The following MRPL48 variants were observed in gnomAD, a reference collection of about 807,000 sequenced individuals.
MRPL48 encodes mitochondrial ribosomal protein L48, also known as large ribosomal subunit protein mL48.
In MRPL48, 16 loss-of-function variants were observed where a neutral mutation model predicts 32.9. The ratio of observed to expected loss-of-function variants is 0.49; its 90% confidence interval spans 0.33 to 0.74. The LOEUF (loss-of-function observed/expected upper bound fraction) is 0.74, where lower values mean the gene tolerates loss of function less well. Among genes scored for constraint, MRPL48 ranks in the 30% least tolerant of loss-of-function variants. The pLI is 0.02. For synonymous variants in MRPL48, 94 were observed against 89.2 expected, an observed-to-expected ratio of 1.05 and a Z score of -0.31; for missense variants, 206 against 245.3, an observed-to-expected ratio of 0.84 and a Z score of 1.07.
chr11:73,808,283 G>GT lies in MRPL48; in HGVS notation c.75-29dup, dbSNP rs1435661322. The GT allele has an allele frequency of 1.9e-6, 3 of 1,581,842 alleles. No individual in the cohort carries two copies. The South Asian group carries it at 3.4e-5, about 18-fold the overall frequency. ...GCAAATAAAATATGGGTTTCTAATT[G>GT]TATTGAACATACTTTCTCCCTCCTT... On this transcript the variant is annotated intron_variant, in intron 2 of 7. Transcript: ENST00000310614.
rs1338965287 is a variant in MRPL48 at position 73,813,386 on chromosome 11, C to CTGG, written c.112+5038_112+5040dup. ...ACAGGGTTTCACCATGTTGGTCAGG[C>CTGG]TGGTCTCTAACTCCTGACCTCAGGT... On this transcript the variant is annotated intron_variant, in intron 3 of 7. Transcript: ENST00000310614. 2.0e-5 allele frequency among the ~76,000 whole-genome samples: 3 copies of CTGG among 152,154 alleles called. No homozygotes were observed. The East Asian group carries it at 5.9e-4, about 30-fold the overall frequency.
chr11:73,835,288 C>T (rs570126720), intron 4 of MRPL48, among the ~76,000 whole-genome samples: 2 of 151,694 alleles, frequency 1.3e-5, no homozygotes, highest in South Asian at 4.2e-4. Flanking sequence ...ATTACAGGCA[C>T]GTGCCACCAT....
intron 3 of MRPL48, among the ~76,000 whole-genome samples, chr11:73,814,151 G>C (rs1026916425): frequency 3.4e-4 from 52 of 151,896 alleles, no homozygotes; most frequent in Admixed American, 2.0e-4. Flanking sequence ...TCAGCACTTT[G>C]GGAGGTTGAG....
At chr11:73,835,431 C>T (rs1948082209) in intron 4 of MRPL48, among the ~76,000 whole-genome samples, 1 of 152,140 alleles carries the variant, frequency 6.6e-6, no homozygotes, top group Admixed American at 6.5e-5. Context: ...TGAGCCACCG[C>T]GCCCACCCTG....
At chr11:73,817,003 A>T (rs1947690165) in intron 3 of MRPL48, among the ~76,000 whole-genome samples, 1 of 145,422 alleles carries the variant, frequency 6.9e-6, no homozygotes, top group Admixed American at 6.9e-5. Context: ...TTGTTTTTGT[A>T]TTTTTTTTAA....
intron 1 of MRPL48, among the ~76,000 whole-genome samples, chr11:73,799,664 T>G (rs1192914189): frequency 6.6e-6 from 1 of 152,092 alleles, no homozygotes; most frequent in African/African-American, 2.4e-5. Context: ...GGATGAGAAA[T>G]TACTTAATGG....
chr11:73,792,713 G>A (rs1473688789), intron 1 of MRPL48, among the ~76,000 whole-genome samples: 1 of 152,162 alleles, frequency 6.6e-6, no homozygotes, highest in African/African-American at 2.4e-5. Flanking sequence ...GGCCCTGGAG[G>A]AGCTTTTCTA....
chr11:73,800,599 C>T (rs1418581945), intron 1 of MRPL48, among the ~76,000 whole-genome samples: 2 of 152,078 alleles, frequency 1.3e-5, no homozygotes, highest in Admixed American at 6.6e-5. Context: ...CACCATCCTC[C>T]TCTTCCACTT....
At chr11:73,828,947 A>G (rs2135019046) in intron 4 of MRPL48, among the ~76,000 whole-genome samples, 1 of 152,304 alleles carries the variant, frequency 6.6e-6, no homozygotes, top group Middle Eastern at 3.4e-3. Context: ...ATAGTGGGAA[A>G]TAAAATTAGT....
intron 1 of MRPL48, among the ~76,000 whole-genome samples, chr11:73,792,603 A>G (rs1013250312): frequency 6.6e-6 from 1 of 152,242 alleles, no homozygotes; most frequent in African/African-American, 2.4e-5. Context: ...AAAGACATGA[A>G]CTAGTAGTAC....
Position 73,853,680 on chromosome 11 carries a change from C to CTTT in MRPL48, c.372-6201_372-6199dup, listed in dbSNP as rs58486952. Among the ~76,000 whole-genome samples the CTTT allele has an allele frequency of 2.4e-4, 19 of 79,122 alleles. 1 individual carries two copies. Among genetic ancestry groups the CTTT allele is most frequent in the Admixed American group, 6.1e-4 (4 of 6,562 alleles). The allele number at this position is 79,122 out of a possible 152,430, so 51.9% of individuals were successfully genotyped here. On this transcript the variant is annotated intron_variant, in intron 5 of 7. Transcript: ENST00000310614. ...AGCTGGCGGGAATTAGAGATAGCTT[C>CTTT]TTTTTTTTTTTTTTTTTTTTTTTTT... is the stretch of plus-strand genomic sequence containing the variant.
chr11:73,860,107 T>C, intron 6 of MRPL48, 98 bp downstream of exon 6: 4 of 991,560 alleles, frequency 4.0e-6, no homozygotes, highest in Non-Finnish European at 5.9e-6. Flanking sequence ...TTTTCTTTCT[T>C]GAATAATAGT....
chr11:73,821,770 T>G (rs915639345), intron 3 of MRPL48, among the ~76,000 whole-genome samples: 17 of 152,194 alleles, frequency 1.1e-4, no homozygotes, highest in African/African-American at 3.9e-4. Context: ...CCCCAGCTTC[T>G]AGGGCAATGC....
chr11:73,825,011 A>G (rs2135009471), intron 3 of MRPL48, among the ~76,000 whole-genome samples: 1 of 152,320 alleles, frequency 6.6e-6, no homozygotes, highest in South Asian at 2.1e-4. Flanking sequence ...TTGTCCCCTC[A>G]AATCATCTGC....
intron 4 of MRPL48, among the ~76,000 whole-genome samples, chr11:73,828,279 C>T (rs1448951899): frequency 6.7e-6 from 1 of 148,922 alleles, no homozygotes; most frequent in African/African-American, 2.5e-5. Flanking sequence ...GGCTGGAGTG[C>T]AGTGGTGCGA....
At position 73,788,012 on chromosome 11, in the gene MRPL48, C is replaced by T. The variant is rs747707970; in HGVS notation, c.21+20C>T. 3.3e-6 allele frequency: 5 copies of T among 1,528,410 alleles called. No homozygotes were observed. The highest frequency in any genetic ancestry group is 4.4e-6 in the Non-Finnish European group (5 of 1,129,512). The allele number at this position is 1,528,410 out of a possible 1,614,324, so 94.7% of individuals were successfully genotyped here. ...GAAAAGGTAACGTAGATTCCACGCA[C>T]GCGGGGCGCGGGGAGATGGCGGACG... On this transcript the variant is annotated intron_variant, in intron 1 of 7. Transcript: ENST00000310614.
intron 3 of MRPL48, among the ~76,000 whole-genome samples, chr11:73,817,235 T>A (rs557022267): frequency 6.6e-6 from 1 of 152,314 alleles, no homozygotes; most frequent in South Asian, 2.1e-4. Context: ...GGATAGTGCA[T>A]AATTTTTTCA....
At chr11:73,832,013 C>G (rs1430423610) in intron 4 of MRPL48, among the ~76,000 whole-genome samples, 1 of 150,926 alleles carries the variant, frequency 6.6e-6, no homozygotes, top group Non-Finnish European at 1.5e-5. Flanking sequence ...GTCATTTTTC[C>G]CAAGACCATT....
intron 4 of MRPL48, among the ~76,000 whole-genome samples, chr11:73,838,103 C>T (rs187328282): frequency 9.2e-5 from 14 of 152,302 alleles, no homozygotes; most frequent in Non-Finnish European, 1.5e-4. Context: ...CCGCCTGCCT[C>T]GGCCTCCCAA....
Sources: gnomAD v4.1 joint callset for allele counts (sites outside exome capture counted in the v4.1 genomes callset) on GRCh38, gnomAD v4.1.1 for gene constraint, MANE v1.5 for transcripts, NCBI Gene and HGNC (gene_info 2026-07-23, HGNC 2026-07-21) for gene names.